The following SCAF8 variants were observed in gnomAD, a reference collection of about 807,000 sequenced individuals.
SCAF8 encodes the protein SR-related and CTD-associated factor 8.
In SCAF8, 23 loss-of-function variants were observed where a neutral mutation model predicts 140.5. The observed-to-expected ratio is 0.16, with a 90% confidence interval of 0.12 to 0.23. The LOEUF (loss-of-function observed/expected upper bound fraction) is 0.23. Among genes scored for constraint, SCAF8 ranks in the 10% least tolerant of loss-of-function variants. The probability of loss-of-function intolerance (pLI) is 1.00; values close to 1 mark genes in which losing one functional copy is unlikely to be tolerated. For missense variants in SCAF8, 1,397 were observed against 1,555.7 expected (o/e 0.90, Z 1.72); for synonymous variants, 575 against 528.9 (o/e 1.09, Z -1.20).
intron 17 of SCAF8, among the ~76,000 whole-genome samples, chr6:154,826,161 C>A (rs376981548): frequency 6.6e-6 from 1 of 151,982 alleles, no homozygotes; most frequent in African/African-American, 2.4e-5. Context: ...GAAATTGATA[C>A]AGATTTTAAT....
At chr6:154,831,625 T>G (rs1778736829) in intron 19 of SCAF8, among the ~76,000 whole-genome samples, 1 of 147,522 alleles carries the variant, frequency 6.8e-6, no homozygotes, top group African/African-American at 2.5e-5. Flanking sequence ...CCTTGATGCC[T>G]GTTTGGGTCT....
chr6:154,822,132 C>A (rs1209424286), intron 15 of SCAF8, 144 bp from the exon 16 acceptor site: 2 of 738,226 alleles, frequency 2.7e-6, no homozygotes, highest in African/African-American at 1.8e-5. Flanking sequence ...GGGCAGAAAT[C>A]TAGAGTGGCA....
intron 1 of SCAF8, among the ~76,000 whole-genome samples, chr6:154,765,700 A>ATTAT (rs35079389): frequency 0.6 from 91,257 of 151,650 alleles, 30,053 homozygotes; most frequent in East Asian, 0.91. Flanking sequence ...ATTTAAGTAG[A>ATTAT]TTATTTAATA....
At chr6:154,808,237 A>G (rs1225731765) in intron 10 of SCAF8, 36 bp downstream of exon 10, 1 of 1,575,084 alleles carries the variant, frequency 6.3e-7, no homozygotes, top group Non-Finnish European at 8.7e-7. Flanking sequence ...ATAAATTTCT[A>G]AAAGTAGCTA....
chr6:154,817,000 A>G (rs752915679), intron 13 of SCAF8, among the ~76,000 whole-genome samples: 2 of 151,518 alleles, frequency 1.3e-5, no homozygotes, highest in African/African-American at 2.4e-5. Context: ...CTTTACCACA[A>G]GAGTGCTGTC....
At chr6:154,735,535 T>G (rs1283546300) in intron 1 of SCAF8, among the ~76,000 whole-genome samples, 2 of 151,012 alleles carry the variant, frequency 1.3e-5, no homozygotes, top group Non-Finnish European at 3.0e-5. Context: ...TTTTTTTTTT[T>G]GAGACAGAGT....
intron 1 of SCAF8, among the ~76,000 whole-genome samples, chr6:154,761,348 T>C (rs1776391629): frequency 6.6e-6 from 1 of 152,046 alleles, no homozygotes; most frequent in Non-Finnish European, 1.5e-5. Context: ...TTGCTGGGCA[T>C]AGTGGCGGGT....
chr6:154,832,309 T>C lies in SCAF8; in HGVS notation c.2730T>C (p.Pro910=), dbSNP rs1416784846. 1 of 1,614,010 alleles carries C rather than the reference T, an allele frequency of 6.2e-7. No individual in the cohort carries two copies. The highest frequency in any genetic ancestry group is 1.1e-5 in the South Asian group (1 of 91,080). ...QPPAGPQNLP[P]LSIPNQRMPT... ...CAGCTGGACCTCAAAACTTACCCCC[T>C]TTAAGTATCCCTAATCAAAGGATGC... The change falls in exon 20 of 20, where the codon CCT becomes CCC. Residue 910 remains proline (P), a synonymous_variant. Transcript: ENST00000367178.
intron 8 of SCAF8, among the ~76,000 whole-genome samples, chr6:154,804,890 T>C (rs1282086033): frequency 5.3e-5 from 8 of 152,198 alleles, no homozygotes; most frequent in African/African-American, 1.7e-4. Flanking sequence ...ACATACCTAA[T>C]AATGTATATG....
At chr6:154,784,165 A>G (rs1777183080) in intron 3 of SCAF8, among the ~76,000 whole-genome samples, 2 of 139,620 alleles carry the variant, frequency 1.4e-5, no homozygotes, top group Non-Finnish European at 3.1e-5. Flanking sequence ...ATATTTATTT[A>G]TTTATTTTTC....
At chr6:154,751,899 G>A (rs992699684) in intron 1 of SCAF8, among the ~76,000 whole-genome samples, 2 of 152,146 alleles carry the variant, frequency 1.3e-5, no homozygotes, top group Admixed American at 6.5e-5. Context: ...TCCTTGGCAA[G>A]GAAGTATTGC....
At position 154,832,124 on chromosome 6, in the gene SCAF8, C is replaced by T. The variant is rs780171347; in HGVS notation, c.2545C>T (p.Leu849=). 6.2e-7 allele frequency: 1 copy of T among 1,614,016 alleles called. No individual in the cohort carries two copies. Among genetic ancestry groups the T allele is most frequent in the Non-Finnish European group, 8.5e-7 (1 of 1,179,982 alleles). The stretch of plus-strand genomic sequence containing the variant: ...TATTGCAGCCCAACCACCAAATATT[C>T]TAAATAACTCTGGAATATTGGGAAT... ...GIIAAQPPNI[L]NNSGILGIQP... The change falls in exon 20 of 20, where the codon CTA becomes TTA. Residue 849 remains leucine (L), a synonymous_variant. Coordinates refer to ENST00000367178, the MANE Select transcript of SCAF8 (RefSeq NM_014892.5).
chr6:154,776,885 A>G (rs1776931875), intron 2 of SCAF8, among the ~76,000 whole-genome samples: 1 of 152,170 alleles, frequency 6.6e-6, no homozygotes, highest in Non-Finnish European at 1.5e-5. Flanking sequence ...TCACGAGAAG[A>G]AAAGTATAAA....
chr6:154,799,763 C>T (rs1188236097), intron 6 of SCAF8, among the ~76,000 whole-genome samples: 1 of 150,824 alleles, frequency 6.6e-6, no homozygotes, highest in Non-Finnish European at 1.5e-5. Flanking sequence ...TTAATAAGGC[C>T]TTCAGTGACT....
intron 2 of SCAF8, among the ~76,000 whole-genome samples, chr6:154,774,629 A>G (rs1293421299): frequency 1.3e-5 from 2 of 152,104 alleles, no homozygotes; most frequent in Admixed American, 6.6e-5. Context: ...TGATTCTATT[A>G]ATATTATAGA....
At chr6:154,752,620 G>A (rs1265631318) in intron 1 of SCAF8, among the ~76,000 whole-genome samples, 2 of 152,152 alleles carry the variant, frequency 1.3e-5, no homozygotes, top group African/African-American at 2.4e-5. Flanking sequence ...TAGAGACTAT[G>A]AGTTGTAAAG....
rs1224513209 is a variant in SCAF8, at chr6:154,733,648, C to T, written c.-253C>T. 1 of 1,286,544 alleles carries T rather than the reference C, an allele frequency of 7.8e-7. No individual in the cohort carries two copies. Among genetic ancestry groups the T allele is most frequent in the African/African-American group, 1.6e-5 (1 of 64,430 alleles). 79.7% of individuals were successfully genotyped at this position (1,286,544 alleles called of 1,614,324 possible). A position where few individuals can be genotyped will look rare whatever the true frequency, so the allele number is the denominator to read the frequency against. On this transcript the variant is annotated 5_prime_UTR_variant, in exon 1 of 20. Coordinates refer to ENST00000367178, the MANE Select transcript of SCAF8 (RefSeq NM_014892.5). ...CCCTCCCCCGCCCGCCGCCGACCCG[C>T]CCCGGCAGCGCCTCTGTTCCCTAGA...
At position 154,778,149 on chromosome 6, in the gene SCAF8, TA is replaced by T. The variant is rs1302557598; in HGVS notation, c.159+109del. 6.5e-6 allele frequency: 4 copies of T among 617,990 alleles called. No homozygotes were observed. In the African/African-American group the frequency reaches 7.6e-5, roughly 12 times the overall value. 38.3% of individuals were successfully genotyped at this position (617,990 alleles called of 1,614,324 possible). On this transcript the variant is annotated intron_variant, in intron 3 of 19. Transcript: ENST00000367178. ...AGTTTAAATTGTTTTGATGGACTGT[TA>T]AAAAGTGATTCCAGTTATTTTATTT...
chr6:154,779,608 A>G, intron 3 of SCAF8, among the ~76,000 whole-genome samples: 1 of 152,214 alleles, frequency 6.6e-6, no homozygotes, highest in East Asian at 1.9e-4. Context: ...AATCTTAGGA[A>G]GACCTGGAAT....
Sources: gnomAD v4.1 joint callset for allele counts (sites outside exome capture counted in the v4.1 genomes callset) on GRCh38, gnomAD v4.1.1 for gene constraint, MANE v1.5 for transcripts, NCBI Gene and HGNC (gene_info 2026-07-23, HGNC 2026-07-21) for gene names.